The following VPS41 variants were observed in gnomAD, a reference collection of about 807,000 sequenced individuals.
The protein encoded by VPS41 is VPS41 subunit of HOPS complex, also known as vacuolar protein sorting-associated protein 41 homolog.
VPS41 carries 85 observed loss-of-function variants against 130.9 expected under a neutral mutation model. The observed-to-expected ratio is 0.65, with a 90% CI of 0.55 to 0.78. VPS41 has a LOEUF of 0.78. VPS41 is among the 30% of genes least tolerant of loss of function. The pLI is 0.00. For synonymous variants in VPS41, 335 were observed against 332.9 expected, an observed-to-expected ratio of 1.01 and a Z score of -0.07; for missense variants, 874 against 1,018.7, an observed-to-expected ratio of 0.86 and a Z score of 1.93.
intron 5 of VPS41, among the ~76,000 whole-genome samples, chr7:38,823,701 T>A (rs1254958487): frequency 6.6e-6 from 1 of 152,210 alleles, no homozygotes; most frequent in Non-Finnish European, 1.5e-5. Flanking sequence ...AACTACTGTT[T>A]TTATATACTT....
intron 4 of VPS41, among the ~76,000 whole-genome samples, chr7:38,844,504 A>G (rs1230609152): frequency 6.6e-6 from 1 of 152,218 alleles, no homozygotes; most frequent in Non-Finnish European, 1.5e-5. Context: ...CCTTGATTAA[A>G]CTTTAACATC....
intron 3 of VPS41, among the ~76,000 whole-genome samples, chr7:38,863,955 A>C (rs1208890894): frequency 6.6e-6 from 1 of 152,242 alleles, no homozygotes. Context: ...AGAATGTTCT[A>C]ATCAGAAACA....
chr7:38,850,443 T>C (rs905770300), intron 4 of VPS41, among the ~76,000 whole-genome samples: 4 of 152,188 alleles, frequency 2.6e-5, no homozygotes, highest in Admixed American at 6.5e-5. Context: ...AACAAAAATA[T>C]ATATACTCTT....
chr7:38,908,928 C>G (rs1221769041), intron 1 of VPS41, among the ~76,000 whole-genome samples: 1 of 152,222 alleles, frequency 6.6e-6, no homozygotes, highest in Admixed American at 6.5e-5. Flanking sequence ...GAAAGGCAGC[C>G]CGAACGCGGG....
At chr7:38,797,751 C>T (rs4720304) in intron 7 of VPS41, among the ~76,000 whole-genome samples, 2,068 of 152,266 alleles carry the variant, frequency 0.014, 48 homozygotes, top group Admixed American at 0.057. Flanking sequence ...CCTCTACCCA[C>T]CCCAAAAGAG....
At chr7:38,890,948 C>T (rs1786851684) in intron 2 of VPS41, among the ~76,000 whole-genome samples, 1 of 152,104 alleles carries the variant, frequency 6.6e-6, no homozygotes, top group South Asian at 2.1e-4. Flanking sequence ...GACCTCCCAC[C>T]TCTGTGTTAT....
At chr7:38,738,970 C>G (rs1267465169) in intron 25 of VPS41, among the ~76,000 whole-genome samples, 1 of 152,234 alleles carries the variant, frequency 6.6e-6, no homozygotes, top group Non-Finnish European at 1.5e-5. Flanking sequence ...AAACGTGAAA[C>G]TAAAAGCAGA....
chr7:38,734,593 A>G (rs1795728374), intron 25 of VPS41, among the ~76,000 whole-genome samples: 1 of 152,176 alleles, frequency 6.6e-6, no homozygotes, highest in Non-Finnish European at 1.5e-5. Context: ...AATAATCCCA[A>G]CCAAAAGCAA....
At chr7:38,860,829 A>G (rs180829102) in intron 4 of VPS41, among the ~76,000 whole-genome samples, 1 of 151,968 alleles carries the variant, frequency 6.6e-6, no homozygotes, top group Non-Finnish European at 1.5e-5. Flanking sequence ...GCTTGGCTTC[A>G]GTAGATTCTG....
intron 24 of VPS41, among the ~76,000 whole-genome samples, chr7:38,742,980 A>G (rs369496577): frequency 3.9e-5 from 6 of 152,298 alleles, no homozygotes; most frequent in East Asian, 3.9e-4. Flanking sequence ...ACAAACATCC[A>G]AATATCATCA....
chr7:38,789,698 C>T, intron 10 of VPS41, 103 bp downstream of exon 10: 1 of 1,123,852 alleles, frequency 8.9e-7, no homozygotes. Context: ...GAGGCTGCTG[C>T]AGGGATCCAG....
At position 38,817,894 on chromosome 7, in the gene VPS41, A is replaced by C. The variant is rs749751088; in HGVS notation, c.385-12T>G. On this transcript the variant is annotated splice_polypyrimidine_tract_variant and intron_variant, in intron 6 of 28. Transcript: ENST00000310301. ...TGCACAGCAATAATCTACAAGAGAA[A>C]CAGAACCCAACTCTGGTTTAGGAGT... 6.2e-7 allele frequency: 1 copy of C among 1,612,352 alleles called. No homozygotes were observed. The highest frequency in any genetic ancestry group is 1.1e-5 in the South Asian group (1 of 91,046).
chr7:38,870,903 A>G (rs886468560), intron 2 of VPS41, among the ~76,000 whole-genome samples: 5 of 151,862 alleles, frequency 3.3e-5, no homozygotes, highest in Admixed American at 1.3e-4. Flanking sequence ...ATGGTTTAAT[A>G]TAAGATTAGC....
chr7:38,794,708 A>T (rs977028284), intron 9 of VPS41, among the ~76,000 whole-genome samples: 1 of 152,216 alleles, frequency 6.6e-6, no homozygotes, highest in African/African-American at 2.4e-5. Context: ...TCTGGCCTCA[A>T]AGCCTGAGCT....
At chr7:38,845,914 A>C (rs1001885929) in intron 4 of VPS41, among the ~76,000 whole-genome samples, 4 of 152,262 alleles carry the variant, frequency 2.6e-5, no homozygotes, top group Non-Finnish European at 4.4e-5. Flanking sequence ...ATGGTGACAC[A>C]TAATGTGTGA....
intron 10 of VPS41, among the ~76,000 whole-genome samples, chr7:38,788,765 T>C (rs1200645105): frequency 6.6e-6 from 1 of 152,178 alleles, no homozygotes; most frequent in Non-Finnish European, 1.5e-5. Context: ...ATCTGAACTA[T>C]GTAGTTATAC....
At chr7:38,775,949 TC>T (rs1784251340) in intron 11 of VPS41, among the ~76,000 whole-genome samples, 1 of 152,178 alleles carries the variant, frequency 6.6e-6, no homozygotes, top group Admixed American at 6.5e-5. Flanking sequence ...CAGTATGCTT[TC>T]CTTCTTTATG....
In VPS41 at chr7:38,862,626, TAAG is replaced by T. The variant is rs775286579; in HGVS notation, c.169-7_169-5del. On this transcript the variant is annotated splice_polypyrimidine_tract_variant and splice_region_variant and intron_variant, in intron 3 of 28. Transcript: ENST00000310301. The stretch of plus-strand genomic sequence containing the variant: ...AATGTGTGCCCAATGCCAAAAACTG[TAAG>T]AAGAACAAAGAGGCCAGTTAATTAA... 3.8e-6 allele frequency: 6 copies of T among 1,595,628 alleles called. No homozygotes were observed. Among genetic ancestry groups the T allele is most frequent in the South Asian group, 3.4e-5 (3 of 88,868 alleles).
At chr7:38,793,161 T>G (rs932621561) in intron 9 of VPS41, among the ~76,000 whole-genome samples, 16 of 152,230 alleles carry the variant, frequency 1.1e-4, no homozygotes, top group South Asian at 2.1e-4. Flanking sequence ...CTTGTTTTTG[T>G]CCACCTTCCT....
Sources: gnomAD v4.1 joint callset for allele counts (sites outside exome capture counted in the v4.1 genomes callset) on GRCh38, gnomAD v4.1.1 for gene constraint, MANE v1.5 for transcripts, NCBI Gene and HGNC (gene_info 2026-07-23, HGNC 2026-07-21) for gene names.